HEATR3: variants seen among roughly 807,000 people sequenced by gnomAD.
HEATR3 encodes HEAT repeat containing 3.
A neutral mutation model predicts 72.8 loss-of-function variants in HEATR3; 56 were observed. The observed-to-expected ratio is 0.77, with a 90% CI of 0.62 to 0.96. The LOEUF is 0.96. HEATR3 is among the 40% of genes least tolerant of loss of function. The pLI, the probability that HEATR3 is intolerant of heterozygous loss-of-function variation, is 0.00. For missense variants in HEATR3, 747 were observed against 831.4 expected (o/e 0.90, Z 1.25); for synonymous variants, 331 against 318.1 (o/e 1.04, Z -0.43).
intron 2 of HEATR3, among the ~76,000 whole-genome samples, chr16:50,068,263 A>C (rs1228388677): frequency 1.3e-5 from 2 of 152,180 alleles, no homozygotes; most frequent in African/African-American, 2.4e-5. Flanking sequence ...AGGGGGTGTC[A>C]TTCTCAGTAG....
At chr16:50,078,369 G>A (rs532015441) in intron 6 of HEATR3, among the ~76,000 whole-genome samples, 26 of 152,232 alleles carry the variant, frequency 1.7e-4, no homozygotes, top group Middle Eastern at 6.8e-3. Context: ...TGGAATTTTA[G>A]TGCATTCCAT....
intron 11 of HEATR3, among the ~76,000 whole-genome samples, chr16:50,092,436 C>CTTTTTTTTTTT (rs375532097): frequency 9.4e-6 from 1 of 106,030 alleles, no homozygotes; most frequent in African/African-American, 3.7e-5. Context: ...TTTCTTTTTT[C>CTTTTTTTTTTT]TTTTTTTTTT....
chr16:50,071,459 CA>C (rs1359407867), intron 4 of HEATR3, among the ~76,000 whole-genome samples: 4 of 152,152 alleles, frequency 2.6e-5, no homozygotes, highest in Non-Finnish European at 1.5e-5. Flanking sequence ...AACTTTAAGT[CA>C]TAGAAATTGT....
chr16:50,100,170 C>A, intron 12 of HEATR3, 60 bp from the exon 13 acceptor site: 1 of 1,536,710 alleles, frequency 6.5e-7, no homozygotes, highest in Non-Finnish European at 8.9e-7. Context: ...CCGGTTTTCA[C>A]ATGCTGATAG....
In HEATR3 at chr16:50,084,183, C is replaced by T. The variant is rs557686038; in HGVS notation, c.1182C>T (p.Asp394=). 68 of 1,614,112 alleles carry T rather than the reference C, an allele frequency of 4.2e-5. No homozygotes were observed. The South Asian group carries it at 5.2e-4, about 12-fold the overall frequency. The change falls in exon 9 of 15, where the codon GAC becomes GAT. Residue 394 remains aspartate (D), a synonymous_variant. Transcript: ENST00000299192. ...AGCTTTCTAGCAGTGATGAAAGTGA[C>T]GCATTTATGGAGAATTCCTTCAGTG... ...WEELSSSDES[D]AFMENSFSEC...
At chr16:50,085,813 T>G (rs543553644) in intron 10 of HEATR3, among the ~76,000 whole-genome samples, 37 of 152,220 alleles carry the variant, frequency 2.4e-4, no homozygotes, top group Non-Finnish European at 4.7e-4. Context: ...GAGGATTGTT[T>G]GAGGCCAAGA....
intron 2 of HEATR3, 96 bp downstream of exon 2, chr16:50,066,635 C>A: frequency 9.1e-7 from 1 of 1,102,604 alleles, no homozygotes; most frequent in Non-Finnish European, 1.2e-6. Context: ...CTTCTGTGTG[C>A]CATCAGGCAC....
At chr16:50,071,080 A>C (rs766929485) in intron 4 of HEATR3, among the ~76,000 whole-genome samples, 1 of 152,176 alleles carries the variant, frequency 6.6e-6, no homozygotes, top group Non-Finnish European at 1.5e-5. Context: ...AGGAGGAAGA[A>C]GGCCACTCTC....
chr16:50,079,013 C>T lies in HEATR3; in HGVS notation c.1036C>T (p.Leu346Phe), dbSNP rs758122784. Residue 346 changes from leucine (L) to phenylalanine (F), a missense_variant, in exon 7 of 15, where the codon CTT (leucine) becomes TTT (phenylalanine). Transcript: ENST00000299192. Reference sequence around the variant, plus strand: ...AAGGAAAACTTTCGTTTCAGATTTACTTCCGGTAAGTCAGGTTGCTGTTCT... The same window carrying T: ...AAGGAAAACTTTCGTTTCAGATTTATTTCCGGTAAGTCAGGTTGCTGTTCT... Reference protein sequence around the residue: ...VRRKTFVSDLLPPTDKELRET... With the variant: ...VRRKTFVSDLFPPTDKELRET... 1.9e-6 allele frequency: 3 copies of T among 1,610,980 alleles called. No homozygotes were observed. Among genetic ancestry groups the T allele is most frequent in the Admixed American group, 1.7e-5 (1 of 59,794 alleles).
At chr16:50,066,573 G>T in intron 2 of HEATR3, 34 bp downstream of exon 2, 3 of 1,268,550 alleles carry the variant, frequency 2.4e-6, no homozygotes, top group Admixed American at 8.4e-5. Context: ...GGTGCCCACC[G>T]CTGGCCTCCC....
At position 50,079,027 on chromosome 16, in the gene HEATR3, G is replaced by A. The variant is rs1480338907; in HGVS notation, c.1041+9G>A. ...TTTCAGATTTACTTCCGGTAAGTCA[G>A]GTTGCTGTTCTCAAATATGGATTAA... is the stretch of plus-strand genomic sequence containing the variant. On this transcript the variant is annotated intron_variant, in intron 7 of 14. Coordinates refer to ENST00000299192, the MANE Select transcript of HEATR3 (RefSeq NM_182922.4). 5 of 1,605,680 alleles carry A rather than the reference G, an allele frequency of 3.1e-6. No individual in the cohort carries two copies. The South Asian group carries it at 4.4e-5, about 14-fold the overall frequency.
At chr16:50,084,792 C>T in intron 10 of HEATR3, 141 bp downstream of exon 10, 1 of 622,710 alleles carries the variant, frequency 1.6e-6, no homozygotes, top group East Asian at 2.7e-5. Flanking sequence ...TATGTGCCCA[C>T]ATGCCCTAGA....
intron 12 of HEATR3, among the ~76,000 whole-genome samples, chr16:50,096,054 G>A (rs956365019): frequency 3.3e-5 from 5 of 152,100 alleles, no homozygotes; most frequent in Non-Finnish European, 7.4e-5. Flanking sequence ...GCCAGGCACG[G>A]TGGCTCACAC....
intron 13 of HEATR3, among the ~76,000 whole-genome samples, chr16:50,101,442 C>T (rs142833243): frequency 1.0e-3 from 152 of 152,190 alleles, no homozygotes; most frequent in African/African-American, 3.3e-3. Flanking sequence ...GTGTCTAATT[C>T]CTGGTCCATA....
At chr16:50,088,239 C>T (rs1442007591) in intron 11 of HEATR3, among the ~76,000 whole-genome samples, 2 of 152,300 alleles carry the variant, frequency 1.3e-5, no homozygotes, top group East Asian at 3.9e-4. Context: ...CCGTCAAGTT[C>T]CTAAGAGGTG....
intron 2 of HEATR3, among the ~76,000 whole-genome samples, chr16:50,068,347 C>T (rs947553173): frequency 6.6e-6 from 1 of 152,132 alleles, no homozygotes; most frequent in African/African-American, 2.4e-5. Context: ...CCCGCTGTTC[C>T]TAGGCTGGTC....
At chr16:50,076,900 G>A (rs779090460) in intron 6 of HEATR3, among the ~76,000 whole-genome samples, 114 of 127,436 alleles carry the variant, frequency 8.9e-4, no homozygotes, top group Non-Finnish European at 1.5e-3. Flanking sequence ...ACTGAGTCTC[G>A]CTCTGCCGCC....
At position 50,094,737 on chromosome 16, in the gene HEATR3, A is replaced by G. The variant is rs73580039; in HGVS notation, c.1543A>G (p.Ile515Val). 2,398 of 1,592,358 alleles carry G rather than the reference A, an allele frequency of 1.5e-3. 34 individuals carry two copies. The African/African-American group carries it at 0.028, about 18-fold the overall frequency. Residue 515 changes from isoleucine to valine, a missense_variant, in exon 12 of 15, where the codon ATA becomes GTA. By Grantham distance (29) the Ile-to-Val change is conservative (BLOSUM62 3). Around this residue, in one of 2 missense-constraint regions of HEATR3, gnomAD observed 586 missense variants for 708.8 expected, o/e 0.83. Transcript: ENST00000299192. ...TAAACATGTTGACTTTCTAGAAGCC[A>G]TAAGTAGTGCTTTGAGGGCCCTTTT... ...FAKHVDFLEA[I>V]SSALRALLQT...
chr16:50,086,430 A>G (rs1409619239), intron 11 of HEATR3, 79 bp downstream of exon 11: 3 of 1,427,952 alleles, frequency 2.1e-6, no homozygotes, highest in Middle Eastern at 2.2e-4. Context: ...TTGTAAATGT[A>G]TATTGTTTGT....
Sources: gnomAD v4.1 joint callset for allele counts (sites outside exome capture counted in the v4.1 genomes callset) on GRCh38, gnomAD v4.1.1 for gene constraint, gnomAD v4.1.1 regional missense constraint, MANE v1.5 for transcripts, NCBI Gene and HGNC (gene_info 2026-07-23, HGNC 2026-07-21) for gene names.